The following MFSD1 variants were observed in gnomAD, a reference collection of about 807,000 sequenced individuals.
MFSD1 encodes lysosomal dipeptide transporter MFSD1.
A neutral mutation model predicts 67.1 loss-of-function variants in MFSD1; 59 were observed. The ratio of observed to expected loss-of-function variants is 0.88; its 90% CI spans 0.71 to 1.09. MFSD1 has a LOEUF of 1.09. MFSD1 is among the 50% of genes least tolerant of loss of function. The pLI is 0.00. For synonymous variants in MFSD1, 213 were observed against 200.3 expected (o/e 1.06, Z -0.54); for missense variants, 552 against 566.1 (o/e 0.97, Z 0.25).
chr3:158,820,950 A>G (rs2108229330), intron 9 of MFSD1, among the ~76,000 whole-genome samples: 1 of 152,328 alleles, frequency 6.6e-6, no homozygotes, highest in Non-Finnish European at 1.5e-5. Flanking sequence ...TATTGATTTA[A>G]TAGTTGATTT....
Position 158,827,306 on chromosome 3 carries a change from C to T in MFSD1, c.1363C>T (p.Gln455Ter). 1 of 1,550,378 alleles carries T rather than the reference C, an allele frequency of 6.5e-7. No individual in the cohort carries two copies. Among genetic ancestry groups the T allele is most frequent in the Non-Finnish European group, 8.7e-7 (1 of 1,151,598 alleles). Residue 455 changes from glutamine (Q) to a stop codon, truncating the protein, a stop_gained, in exon 15 of 16, where the codon CAA becomes TAA. Coordinates refer to ENST00000415822, the MANE Select transcript of MFSD1 (RefSeq NM_022736.4). LOFTEE classifies it high-confidence loss of function. ...QGGNLNYSAR[Q>*]REEIKFSHTE The stretch of plus-strand genomic sequence containing the variant: ...TGGGAACCTAAATTATTCTGCAAGA[C>T]AAAGGGAAGAAATAAAATTTTCCCA...
At chr3:158,807,597 G>A (rs1729793785) in intron 5 of MFSD1, 134 bp downstream of exon 5, 3 of 681,254 alleles carry the variant, frequency 4.4e-6, no homozygotes, top group Non-Finnish European at 5.0e-6. Flanking sequence ...ATGCATAAGA[G>A]TATTTCTTAG....
At chr3:158,812,412 T>C (rs1342837790) in intron 6 of MFSD1, among the ~76,000 whole-genome samples, 1 of 152,214 alleles carries the variant, frequency 6.6e-6, no homozygotes, top group Non-Finnish European at 1.5e-5. Flanking sequence ...TGGCTGAAAC[T>C]GAGGTGGCTG....
Position 158,826,028 on chromosome 3 carries a change from T to C in MFSD1, c.1302T>C (p.Ser434=). ...FIACVSLSLL[S]VVLLYLVNRA... is the part of the protein sequence containing the mutation. ...TTTCACTCCTAGTGTCACTTTTATC[T>C]GTGGTCTTACTCTATTTGGTGAATC... The change falls in exon 14 of 16, where the codon TCT becomes TCC. Residue 434 remains serine (S), a synonymous_variant. Coordinates refer to ENST00000415822, the MANE Select transcript of MFSD1 (RefSeq NM_022736.4). 1 of 1,613,494 alleles carries C rather than the reference T, an allele frequency of 6.2e-7. No homozygotes were observed. Among genetic ancestry groups the C allele is most frequent in the Non-Finnish European group, 8.5e-7 (1 of 1,179,524 alleles).
Position 158,809,178 on chromosome 3 carries a change from G to C in MFSD1, c.441-1G>C. ...GTTTTTTTTTTTTTTTCTATTTTTAGGATTGGTGGCGAGTCCTTAGCAGTT... is the reference window on the plus strand; with the variant it reads ...GTTTTTTTTTTTTTTTCTATTTTTACGATTGGTGGCGAGTCCTTAGCAGTT... On this transcript the variant is annotated splice_acceptor_variant, in intron 5 of 15. Transcript: ENST00000415822. LOFTEE classifies it high-confidence loss of function. The C allele has an allele frequency of 7.0e-7, 1 of 1,421,624 alleles. No homozygotes were observed. Among genetic ancestry groups the C allele is most frequent in the Non-Finnish European group, 9.5e-7 (1 of 1,051,268 alleles). 88.1% of individuals were successfully genotyped at this position (1,421,624 alleles called of 1,614,324 possible).
chr3:158,828,889 T>C (rs1313682345), intron 15 of MFSD1, 90 bp from the exon 16 acceptor site: 1 of 1,339,590 alleles, frequency 7.5e-7, no homozygotes, highest in Non-Finnish European at 1.0e-6. Context: ...CTATTACATG[T>C]CTTGTAATGC....
At chr3:158,806,987 G>T in intron 3 of MFSD1, 53 bp from the exon 4 acceptor site, 1 of 1,459,770 alleles carries the variant, frequency 6.9e-7, no homozygotes, top group Non-Finnish European at 9.5e-7. Context: ...CAGAAATTAA[G>T]ATTTTTTTTT....
At chr3:158,819,270 AT>A (rs1199790007) in intron 7 of MFSD1, among the ~76,000 whole-genome samples, 2 of 152,188 alleles carry the variant, frequency 1.3e-5, no homozygotes, top group African/African-American at 2.4e-5. Context: ...TGGCTTCATC[AT>A]TTTTTCCCTG....
At chr3:158,817,016 G>C (rs1196788450) in intron 7 of MFSD1, among the ~76,000 whole-genome samples, 4 of 152,134 alleles carry the variant, frequency 2.6e-5, no homozygotes, top group Non-Finnish European at 5.9e-5. Context: ...CTATATCTCT[G>C]TTTTGGTACC....
Position 158,819,635 on chromosome 3 carries a change from T to C in MFSD1, c.653-14T>C, listed in dbSNP as rs775879585. On this transcript the variant is annotated splice_polypyrimidine_tract_variant and intron_variant, in intron 7 of 15. Coordinates refer to ENST00000415822, the MANE Select transcript of MFSD1 (RefSeq NM_022736.4). ...TTCAAAGTCTGTTTTTCTTTTTTTT[T>C]TTTTTTTATTTAGGGGGTATAACGT... 1.2e-5 allele frequency: 17 copies of C among 1,374,600 alleles called. 1 individual carries two copies. The highest frequency in any genetic ancestry group is 4.7e-5 in the East Asian group (2 of 42,114). The allele number at this position is 1,374,600 out of a possible 1,614,324, so 85.2% of individuals were successfully genotyped here.
In MFSD1 at chr3:158,820,276, C is replaced by T. The variant is rs373467551; in HGVS notation, c.813C>T (p.Ile271=). 3 of 1,610,910 alleles carry T rather than the reference C, an allele frequency of 1.9e-6. No homozygotes were observed. The African/African-American group carries it at 4.0e-5, about 22-fold the overall frequency. Residue 271 remains isoleucine (I), a synonymous_variant, in exon 9 of 16, where the codon ATC becomes ATT. Coordinates refer to ENST00000415822, the MANE Select transcript of MFSD1 (RefSeq NM_022736.4). ...DFSLPLWLIF[I]ICVCYYVAVF... ...CCTTACCCCTGTGGCTTATATTTAT[C>T]ATCTGTGTCTGCTATTATGTTGCTG...
chr3:158,818,384 A>G (rs990336020), intron 7 of MFSD1, among the ~76,000 whole-genome samples: 2 of 151,918 alleles, frequency 1.3e-5, no homozygotes, highest in Non-Finnish European at 2.9e-5. Context: ...TCTTCTAGCT[A>G]TTTTTTAATG....
intron 6 of MFSD1, among the ~76,000 whole-genome samples, chr3:158,812,686 A>C (rs1730092950): frequency 6.6e-6 from 1 of 152,174 alleles, no homozygotes; most frequent in African/African-American, 2.4e-5. Flanking sequence ...AGATAGAGTG[A>C]GTCTGCCAGT....
chr3:158,806,983 T>A, intron 3 of MFSD1, 57 bp from the exon 4 acceptor site: 1 of 1,466,272 alleles, frequency 6.8e-7, no homozygotes, highest in Non-Finnish European at 9.4e-7. Flanking sequence ...TAAACAGAAA[T>A]TAAGATTTTT....
chr3:158,824,907 G>C (rs372068999), intron 13 of MFSD1, among the ~76,000 whole-genome samples: 1 of 152,250 alleles, frequency 6.6e-6, no homozygotes, highest in African/African-American at 2.4e-5. Context: ...AATTGCTTAT[G>C]AGTTGCCTTG....
chr3:158,822,381 G>T, intron 11 of MFSD1: 1 of 260,482 alleles, frequency 3.8e-6, no homozygotes, highest in Non-Finnish European at 7.2e-6. Flanking sequence ...TGCTGAAAGA[G>T]AATTTGAAAT....
Position 158,825,996 on chromosome 3 carries a change from T to C in MFSD1, c.1289-19T>C. 6.2e-7 allele frequency: 1 copy of C among 1,601,108 alleles called. No individual in the cohort carries two copies. Among genetic ancestry groups the C allele is most frequent in the Non-Finnish European group, 8.6e-7 (1 of 1,168,482 alleles). The stretch of plus-strand genomic sequence containing the variant: ...GAAGAAATACATATTTTAAGGGCCC[T>C]ATGTTTTTTCACTCCTAGTGTCACT... On this transcript the variant is annotated intron_variant, in intron 13 of 15. Transcript: ENST00000415822.
chr3:158,820,290 A>G lies in MFSD1; in HGVS notation c.827A>G (p.Tyr276Cys), dbSNP rs779216993. The change falls in exon 9 of 16, where the codon TAT (tyrosine) becomes TGT (cysteine). Residue 276 changes from tyrosine (Y) to cysteine (C), a missense_variant. Physicochemically the swap from Tyr to Cys is radical, Grantham distance 194 (BLOSUM62 -2). Coordinates refer to ENST00000415822, the MANE Select transcript of MFSD1 (RefSeq NM_022736.4). ...CTTATATTTATCATCTGTGTCTGCT[A>G]TTATGTTGCTGTGTTCCCTTTTATT... ...LWLIFIICVC[Y>C]YVAVFPFIGL... The G allele has an allele frequency of 2.9e-5, 47 of 1,611,550 alleles. No individual in the cohort carries two copies. The highest frequency in any genetic ancestry group is 1.6e-4 in the Middle Eastern group (1 of 6,070).
chr3:158,824,409 A>G (rs1730847713), intron 13 of MFSD1, 173 bp downstream of exon 13: 19 of 596,734 alleles, frequency 3.2e-5, no homozygotes, highest in Non-Finnish European at 5.3e-5. Flanking sequence ...GGAGATTCCT[A>G]TCCTTAAAGG....
Sources: allele counts gnomAD v4.1 joint callset (sites outside exome capture counted in the v4.1 genomes callset), GRCh38; gene constraint gnomAD v4.1.1; transcripts MANE v1.5; gene names NCBI Gene and HGNC (gene_info 2026-07-23, HGNC 2026-07-21).